UBA6: variants seen among roughly 807,000 people sequenced by gnomAD.
UBA6 encodes the protein ubiquitin-like modifier-activating enzyme 6.
UBA6 carries 87 observed loss-of-function variants against 148.3 expected under a neutral mutation model. The ratio of observed to expected loss-of-function variants is 0.59; its 90% CI spans 0.49 to 0.70. UBA6 has a LOEUF of 0.70. Among genes scored for constraint, UBA6 ranks in the 30% least tolerant of loss-of-function variants. The probability of loss-of-function intolerance (pLI) is 0.00; values close to 1 mark genes in which losing one functional copy is unlikely to be tolerated. For synonymous variants in UBA6, 376 were observed against 401.0 expected (o/e 0.94, Z 0.75); for missense variants, 1,186 against 1,241.2 (o/e 0.96, Z 0.67).
Position 67,619,796 on chromosome 4 carries a change from C to T in UBA6, c.3024-664G>A, listed in dbSNP as rs1050129869. Among the ~76,000 whole-genome samples, 21 of 152,088 alleles carry T rather than the reference C, an allele frequency of 1.4e-4. 1 individual carries two copies. Among genetic ancestry groups the T allele is most frequent in the Non-Finnish European group, 1.6e-4 (11 of 68,006 alleles). On this transcript the variant is annotated intron_variant, in intron 32 of 32. Transcript: ENST00000322244. ...TTTTCCCTTATGTCCAATCTTTATC[C>T]TATTTACTGAAAAATCACTCTTTGC...
intron 2 of UBA6, among the ~76,000 whole-genome samples, chr4:67,693,984 G>T (rs187850876): frequency 6.6e-6 from 1 of 151,950 alleles, no homozygotes; most frequent in East Asian, 1.9e-4. Flanking sequence ...GGAAGCCAAG[G>T]TGGGCAGATC....
At chr4:67,682,338 GCA>G (rs1730463770) in intron 2 of UBA6, 125 bp from the exon 3 acceptor site, 3 of 667,442 alleles carry the variant, frequency 4.5e-6, no homozygotes, top group Non-Finnish European at 7.8e-6. Context: ...TGAATGATTT[GCA>G]CAGTGTTTAA....
In UBA6 at chr4:67,613,189, A is replaced by C. The variant is rs943560916; in HGVS notation, c.*5808T>G. ...TGAAACTGGATCAAAATAATCCTAA[A>C]TTACTAATGCAGGTACCTGCCAGAA... On this transcript the variant is annotated 3_prime_UTR_variant, in exon 33 of 33. Coordinates refer to ENST00000322244, the MANE Select transcript of UBA6 (RefSeq NM_018227.6). The C allele has an allele frequency of 6.6e-6, 1 of 152,222 alleles. No homozygotes were observed. The highest frequency in any genetic ancestry group is 6.5e-5 in the Admixed American group (1 of 15,284). 9.4% of individuals were successfully genotyped at this position (152,222 alleles called of 1,614,324 possible).
At chr4:67,636,911 G>A (rs372099881) in intron 19 of UBA6, among the ~76,000 whole-genome samples, 16 of 149,230 alleles carry the variant, frequency 1.1e-4, no homozygotes, top group African/African-American at 3.0e-4. Context: ...AGTGAGGAGC[G>A]CCTCTTCCCG....
chr4:67,677,507 T>C, intron 6 of UBA6, 104 bp downstream of exon 6: 1 of 517,840 alleles, frequency 1.9e-6, no homozygotes, highest in Non-Finnish European at 3.3e-6. Context: ...AATTTTTTTG[T>C]TCTGTTTCTC....
At chr4:67,654,733 C>T (rs954388590) in intron 13 of UBA6, among the ~76,000 whole-genome samples, 2 of 151,778 alleles carry the variant, frequency 1.3e-5, no homozygotes, top group Non-Finnish European at 2.9e-5. Context: ...TTAAAAGACA[C>T]AGACTGGCAA....
At position 67,618,729 on chromosome 4, in the gene UBA6, C is replaced by T. The variant is rs1728684872; in HGVS notation, c.*268G>A. ...CTTTTTATCCAGAGAGATTAATACA[C>T]AGATTAATACACAAAACTTTTGTAA... is the stretch of plus-strand genomic sequence containing the variant. On this transcript the variant is annotated 3_prime_UTR_variant, in exon 33 of 33. Coordinates refer to ENST00000322244, the MANE Select transcript of UBA6 (RefSeq NM_018227.6). The T allele has an allele frequency of 3.4e-6, 1 of 296,904 alleles. No homozygotes were observed. Among genetic ancestry groups the T allele is most frequent in the Admixed American group, 5.0e-5 (1 of 20,104 alleles). The allele number at this position is 296,904 out of a possible 1,614,324, so 18.4% of individuals were successfully genotyped here. A position where few individuals can be genotyped will look rare whatever the true frequency, so the allele number is the denominator to read the frequency against.
At chr4:67,665,679 A>C (rs1339095471) in intron 9 of UBA6, among the ~76,000 whole-genome samples, 1 of 151,966 alleles carries the variant, frequency 6.6e-6, no homozygotes, top group Non-Finnish European at 1.5e-5. Context: ...TAGAGAATTC[A>C]GAAACAGTCT....
intron 5 of UBA6, among the ~76,000 whole-genome samples, chr4:67,678,178 T>G (rs1318054382): frequency 6.7e-6 from 1 of 148,828 alleles, no homozygotes; most frequent in Non-Finnish European, 1.5e-5. Context: ...ATTAAGTATA[T>G]ATCAATATTT....
intron 10 of UBA6, 69 bp from the exon 11 acceptor site, chr4:67,664,016 T>C: frequency 7.9e-7 from 1 of 1,259,650 alleles, no homozygotes; most frequent in Non-Finnish European, 1.1e-6. Flanking sequence ...TACTGTTACA[T>C]GTCAGTGCGC....
rs531086363 is a variant in UBA6, at chr4:67,637,160, C to T, written c.1737-1602G>A. On this transcript the variant is annotated intron_variant, in intron 19 of 32. Transcript: ENST00000322244. ...GTGAGGAGCGTCTCCGCCCGGCAGC[C>T]GCCCCGTCCGGGAGGTGGGGGGGCA... Among the ~76,000 whole-genome samples, 41 of 151,734 alleles carry T rather than the reference C, an allele frequency of 2.7e-4. No homozygotes were observed. The East Asian group carries it at 6.1e-3, about 22-fold the overall frequency.
At position 67,674,644 on chromosome 4, in the gene UBA6, T is replaced by G. The variant is rs75192060; in HGVS notation, c.466-867A>C. 9.4e-3 allele frequency among the ~76,000 whole-genome samples: 1,431 copies of G among 152,238 alleles called. 17 individuals carry two copies. The highest frequency in any genetic ancestry group is 0.033 in the African/African-American group (1,353 of 41,512). On this transcript the variant is annotated intron_variant, in intron 6 of 32. Coordinates refer to ENST00000322244, the MANE Select transcript of UBA6 (RefSeq NM_018227.6). ...CATATTTCCTGCATCTGTGAAACAG[T>G]AACAGGATAGTTTGCAAATAATAAA...
intron 4 of UBA6, among the ~76,000 whole-genome samples, chr4:67,681,129 G>A (rs1440052401): frequency 6.6e-6 from 1 of 152,250 alleles, no homozygotes; most frequent in East Asian, 1.9e-4. Flanking sequence ...AAATTTTGGG[G>A]TAAACTGTTT....
intron 29 of UBA6, 55 bp downstream of exon 29, chr4:67,624,930 ACGGGGAAGT>A (rs1728830368): frequency 1.5e-6 from 2 of 1,367,172 alleles, no homozygotes; most frequent in Non-Finnish European, 2.0e-6. Context: ...GGTTGGTATG[ACGGGGAAGT>A]CAGGGAAGAG....
At chr4:67,658,888 T>C (rs1729771053) in intron 13 of UBA6, among the ~76,000 whole-genome samples, 1 of 152,178 alleles carries the variant, frequency 6.6e-6, no homozygotes, top group Non-Finnish European at 1.5e-5. Flanking sequence ...GAGGGAACTT[T>C]TTTGCATTAC....
rs1728597961 is a variant in UBA6 at position 67,614,917 on chromosome 4, G to C, written c.*4080C>G. The C allele has an allele frequency of 6.6e-6, 1 of 152,122 alleles. No homozygotes were observed. The highest frequency in any genetic ancestry group is 2.4e-5 in the African/African-American group (1 of 41,422). The allele number at this position is 152,122 out of a possible 1,614,324, so 9.4% of individuals were successfully genotyped here. ...CCTGACAAGATACTTTACAAAAACA[G>C]AAAGTCAAATTGGCCAATAAACTTA... On this transcript the variant is annotated 3_prime_UTR_variant, in exon 33 of 33. Transcript: ENST00000322244.
chr4:67,649,492 T>C (rs893772964), intron 13 of UBA6, among the ~76,000 whole-genome samples: 2 of 152,210 alleles, frequency 1.3e-5, no homozygotes, highest in Non-Finnish European at 2.9e-5. Flanking sequence ...CTACCATTTA[T>C]AGTTTTTGTC....
chr4:67,686,532 A>G (rs1373227397), intron 2 of UBA6, among the ~76,000 whole-genome samples: 1 of 152,204 alleles, frequency 6.6e-6, no homozygotes, highest in Non-Finnish European at 1.5e-5. Flanking sequence ...ATTAAATAAA[A>G]TATGTAAACT....
At chr4:67,673,651 G>A (rs1435079996) in intron 7 of UBA6, 46 bp downstream of exon 7, 13 of 1,352,680 alleles carry the variant, frequency 9.6e-6, no homozygotes, top group Non-Finnish European at 1.3e-5. Flanking sequence ...TAGTGAAAGT[G>A]TTCTTCCTTG....
Sources: allele counts gnomAD v4.1 joint callset (sites outside exome capture counted in the v4.1 genomes callset), GRCh38; gene constraint gnomAD v4.1.1; transcripts MANE v1.5; gene names NCBI Gene and HGNC (gene_info 2026-07-23, HGNC 2026-07-21).